The following GALNT17 variants were observed in gnomAD, a reference collection of about 807,000 sequenced individuals.
GALNT17 encodes polypeptide N-acetylgalactosaminyltransferase 17.
A neutral mutation model predicts 63.7 loss-of-function variants in GALNT17; 29 were observed. The observed-to-expected ratio is 0.46, with a 90% CI of 0.34 to 0.62. GALNT17 has a LOEUF of 0.62. Ranked by LOEUF, GALNT17 falls within the 20% of genes least tolerant of loss-of-function variation. The pLI is 0.01. For missense variants in GALNT17, 603 were observed against 799.6 expected, an observed-to-expected ratio of 0.75 and a Z score of 2.97; for synonymous variants, 305 against 318.3, an observed-to-expected ratio of 0.96 and a Z score of 0.45.
intron 5 of GALNT17, among the ~76,000 whole-genome samples, chr7:71,553,997 G>A (rs1789123011): frequency 6.6e-6 from 1 of 152,196 alleles, no homozygotes; most frequent in Non-Finnish European, 1.5e-5. Flanking sequence ...GGCTTCTGTT[G>A]ACACCTCCCA....
At chr7:71,366,555 T>TA (rs1554360369) in intron 2 of GALNT17, among the ~76,000 whole-genome samples, 11 of 151,736 alleles carry the variant, frequency 7.2e-5, no homozygotes, top group East Asian at 3.9e-4. Flanking sequence ...CACTCCAGCC[T>TA]GGCGACAGAG....
chr7:71,381,850 A>G (rs1003821827), intron 2 of GALNT17, among the ~76,000 whole-genome samples: 2 of 152,198 alleles, frequency 1.3e-5, no homozygotes, highest in African/African-American at 2.4e-5. Flanking sequence ...TTGCAGCTGC[A>G]TGAATGTGAG....
chr7:71,426,497 A>G (rs1234851839), intron 5 of GALNT17, among the ~76,000 whole-genome samples: 1 of 152,164 alleles, frequency 6.6e-6, no homozygotes, highest in African/African-American at 2.4e-5. Flanking sequence ...GTAATTTATA[A>G]AGGAAAGAGG....
chr7:71,645,165 A>G (rs1790657273), intron 6 of GALNT17, among the ~76,000 whole-genome samples: 1 of 152,218 alleles, frequency 6.6e-6, no homozygotes, highest in South Asian at 2.1e-4. Context: ...CTTTGCCTGT[A>G]AGAATTAGGA....
At chr7:71,663,821 G>T (rs146084723) in intron 6 of GALNT17, among the ~76,000 whole-genome samples, 1 of 152,116 alleles carries the variant, frequency 6.6e-6, no homozygotes, top group Non-Finnish European at 1.5e-5. Flanking sequence ...GGTGGTTACT[G>T]GGAGACTAAA....
At chr7:71,545,223 T>C (rs1788962764) in intron 5 of GALNT17, among the ~76,000 whole-genome samples, 1 of 152,228 alleles carries the variant, frequency 6.6e-6, no homozygotes, top group African/African-American at 2.4e-5. Flanking sequence ...TAAAGACTCT[T>C]CATTTCTAGA....
At chr7:71,254,336 A>T (rs1790253134) in intron 1 of GALNT17, among the ~76,000 whole-genome samples, 2 of 152,186 alleles carry the variant, frequency 1.3e-5, no homozygotes. Context: ...CTCTTACTTA[A>T]TTCTCTCCTG....
chr7:71,168,273 T>G (rs1788481816), intron 1 of GALNT17, among the ~76,000 whole-genome samples: 1 of 152,120 alleles, frequency 6.6e-6, no homozygotes, highest in South Asian at 2.1e-4. Flanking sequence ...ACTTTGTATT[T>G]TAACATTTTC....
chr7:71,362,044 C>A (rs1165646040), intron 2 of GALNT17, among the ~76,000 whole-genome samples: 1 of 152,138 alleles, frequency 6.6e-6, no homozygotes, highest in African/African-American at 2.4e-5. Context: ...GCAACCTCTG[C>A]CTCTTGGGTT....
At chr7:71,216,913 A>G (rs12672721) in intron 1 of GALNT17, among the ~76,000 whole-genome samples, 50,332 of 151,938 alleles carry the variant, frequency 0.33, 9,331 homozygotes, top group South Asian at 0.53. Context: ...TATAATTTCC[A>G]TGTGTGTATT....
At chr7:71,281,992 T>C (rs769548320) in intron 1 of GALNT17, among the ~76,000 whole-genome samples, 2 of 152,146 alleles carry the variant, frequency 1.3e-5, no homozygotes, top group Non-Finnish European at 2.9e-5. Flanking sequence ...GTTGCTTCTA[T>C]GTGTTAACTC....
chr7:71,486,334 AAATAATAATAATAATAATAATAAT>A (rs68046826), intron 5 of GALNT17, among the ~76,000 whole-genome samples: 1,357 of 133,338 alleles, frequency 0.01, 29 homozygotes, highest in African/African-American at 0.036. Context: ...GCCTGTCTGA[AAATAATAATAATAATAATAATAAT>A]AATAATAATA....
At chr7:71,317,423 T>A (rs1337316949) in intron 1 of GALNT17, among the ~76,000 whole-genome samples, 1 of 152,160 alleles carries the variant, frequency 6.6e-6, no homozygotes, top group Non-Finnish European at 1.5e-5. Flanking sequence ...CAATGCCTGA[T>A]TAGAAACTCA....
intron 5 of GALNT17, among the ~76,000 whole-genome samples, chr7:71,499,348 G>A (rs376554750): frequency 1.3e-5 from 2 of 152,204 alleles, no homozygotes; most frequent in African/African-American, 4.8e-5. Flanking sequence ...ATCACTTGAG[G>A]CCAGGAGTTC....
chr7:71,264,496 G>A (rs1790451574), intron 1 of GALNT17, among the ~76,000 whole-genome samples: 1 of 152,118 alleles, frequency 6.6e-6, no homozygotes, highest in Non-Finnish European at 1.5e-5. Flanking sequence ...GCAAAGGAAA[G>A]GAAATCAGTG....
chr7:71,596,016 T>A (rs1789880331), intron 6 of GALNT17, among the ~76,000 whole-genome samples: 1 of 152,060 alleles, frequency 6.6e-6, no homozygotes, highest in Admixed American at 6.6e-5. Context: ...AAAATGGGAT[T>A]GATTTCTTGA....
chr7:71,585,071 CTTTAATCTTCTTTTTAT>C (rs749039748), intron 6 of GALNT17, among the ~76,000 whole-genome samples: 6 of 152,098 alleles, frequency 3.9e-5, no homozygotes, highest in Non-Finnish European at 7.4e-5. Context: ...TAACTTGTTC[CTTTAATCTTCTTTTTAT>C]TTTTCTAAGC....
chr7:71,184,598 C>A (rs886581713), intron 1 of GALNT17, among the ~76,000 whole-genome samples: 1 of 152,170 alleles, frequency 6.6e-6, no homozygotes, highest in African/African-American at 2.4e-5. Flanking sequence ...TCGCCAGCTC[C>A]CTGGCCCAGC....
chr7:71,386,841 A>G (rs1424708063), intron 2 of GALNT17, among the ~76,000 whole-genome samples: 2 of 152,084 alleles, frequency 1.3e-5, no homozygotes, highest in African/African-American at 4.8e-5. Context: ...TTCCTTGACT[A>G]TGATTATTGG....
Sources: allele counts gnomAD v4.1 joint callset (sites outside exome capture counted in the v4.1 genomes callset), GRCh38; gene constraint gnomAD v4.1.1; transcripts MANE v1.5; gene names NCBI Gene and HGNC (gene_info 2026-07-23, HGNC 2026-07-21).